KIF1A: variants seen among roughly 807,000 people sequenced by gnomAD.
The protein encoded by KIF1A is kinesin-like protein KIF1A.
In KIF1A, 46 loss-of-function variants were observed where a neutral mutation model predicts 227.3. The ratio of observed to expected loss-of-function variants is 0.20; its 90% CI spans 0.16 to 0.26. KIF1A has a LOEUF of 0.26. Among genes scored for constraint, KIF1A ranks in the 10% least tolerant of loss-of-function variants. KIF1A has a pLI of 1.00. For synonymous variants in KIF1A, 1,022 were observed against 1,012.8 expected, an observed-to-expected ratio of 1.01 and a Z score of -0.17; for missense variants, 1,683 against 2,485.9, an observed-to-expected ratio of 0.68 and a Z score of 6.87.
In KIF1A at chr2:240,789,428, G is replaced by A. The variant is rs2055372438; in HGVS notation, c.107-116C>T. The A allele has an allele frequency of 3.7e-6, 3 of 801,758 alleles. No homozygotes were observed. The highest frequency in any genetic ancestry group is 6.3e-6 in the Non-Finnish European group (3 of 474,424). The allele number at this position is 801,758 out of a possible 1,614,324, so 49.7% of individuals were successfully genotyped here. On this transcript the variant is annotated intron_variant, in intron 2 of 48. Coordinates refer to ENST00000498729, the MANE Select transcript of KIF1A (RefSeq NM_001244008.2). This position sits in a 1 kb window ranked among gnomAD's most constrained non-coding sequence, Gnocchi z 4.8. ...GAGGCCTCGGGCCCCAGACAAGCCA[G>A]GCCCCCAAATTGGAGGGGACCTAGG...
intron 1 of KIF1A, among the ~76,000 whole-genome samples, chr2:240,801,668 T>C (rs2056981583): frequency 6.6e-6 from 1 of 152,086 alleles, no homozygotes; most frequent in South Asian, 2.1e-4. Flanking sequence ...GGTGATTAGG[T>C]CATGAGGGTG....
chr2:240,806,786 G>T (rs1214154679), intron 1 of KIF1A, among the ~76,000 whole-genome samples: 1 of 152,130 alleles, frequency 6.6e-6, no homozygotes, highest in African/African-American at 2.4e-5. Flanking sequence ...AATTATTAAA[G>T]AAATTGATCC....
rs567187151 is a variant in KIF1A, at chr2:240,775,385, C to T, written c.958+466G>A. Among the ~76,000 whole-genome samples the T allele has an allele frequency of 4.6e-5, 7 of 152,318 alleles. No homozygotes were observed. Among genetic ancestry groups the T allele is most frequent in the South Asian group, 4.1e-4 (2 of 4,820 alleles). On this transcript the variant is annotated intron_variant, in intron 11 of 48. Coordinates refer to ENST00000498729, the MANE Select transcript of KIF1A (RefSeq NM_001244008.2). This position sits in a 1 kb window ranked among gnomAD's most constrained non-coding sequence, Gnocchi z 5.5. ...ATTCCGGGATGGACGGGATCAGCGT[C>T]GGGTGCATTTCAATTCCCACCTCCC... is the stretch of plus-strand genomic sequence containing the variant.
At chr2:240,731,544 C>T (rs1480615229) in intron 38 of KIF1A, among the ~76,000 whole-genome samples, 1 of 152,216 alleles carries the variant, frequency 6.6e-6, no homozygotes, top group African/African-American at 2.4e-5. Context: ...CAGCGTGGCC[C>T]TGGAGGTCGC....
At chr2:240,746,332 G>C (rs1376824737) in intron 29 of KIF1A, among the ~76,000 whole-genome samples, 155 bp from the exon 30 acceptor site, 1 of 152,194 alleles carries the variant, frequency 6.6e-6, no homozygotes, top group Admixed American at 6.5e-5. Context: ...TGCCTTGTAG[G>C]GGGGCATCCA....
At chr2:240,719,253 C>A in intron 46 of KIF1A, 55 bp from the exon 47 acceptor site, 1 of 1,546,240 alleles carries the variant, frequency 6.5e-7, no homozygotes, top group Non-Finnish European at 8.8e-7. Flanking sequence ...GCGACTGACT[C>A]GGGCACTCAC....
chr2:240,771,071 G>A lies in KIF1A; in HGVS notation c.1241C>T (p.Ser414Phe). 6.2e-7 allele frequency: 1 copy of A among 1,613,572 alleles called. No homozygotes were observed. Among genetic ancestry groups the A allele is most frequent in the Non-Finnish European group, 8.5e-7 (1 of 1,179,830 alleles). Residue 414 changes from serine to phenylalanine, a missense_variant, in exon 15 of 49, where the codon TCC (serine) becomes TTC (phenylalanine). Physicochemically the swap from Ser to Phe is radical, Grantham distance 155. This residue lies in a region of KIF1A where 110 missense variants were observed against 133.1 expected (regional missense o/e 0.83). Transcript: ENST00000498729. ...GCGGCTGGACAGGGCTGAGAGCGAG[G>A]ATGAGGGGCTCATACCCACCAGGGC... is the stretch of plus-strand genomic sequence containing the variant. ...TNALVGMSPS[S>F]SLSALSSRAA...
chr2:240,730,633 G>A (rs537266041), intron 38 of KIF1A, among the ~76,000 whole-genome samples: 13 of 152,294 alleles, frequency 8.5e-5, no homozygotes, highest in Non-Finnish European at 1.8e-4. Context: ...TCGCCCGAAG[G>A]GAACATGATC....
At position 240,765,757 on chromosome 2, in the gene KIF1A, G is replaced by A. The variant is rs2051093177; in HGVS notation, c.1721C>T (p.Thr574Ile). 1.9e-6 allele frequency: 3 copies of A among 1,613,548 alleles called. No homozygotes were observed. Among genetic ancestry groups the A allele is most frequent in the Non-Finnish European group, 2.5e-6 (3 of 1,179,838 alleles). ...TGTGACTTTCTTGCCATTGACGTAG[G>A]TGTCTGCCCCCTCACAGGGCTCCAA... Reference protein sequence around the residue: ...VTLEPCEGADTYVNGKKVTEP... With the variant: ...VTLEPCEGADIYVNGKKVTEP... The change falls in exon 20 of 49, where the codon ACC (threonine) becomes ATC (isoleucine). Residue 574 changes from threonine to isoleucine, a missense_variant. Coordinates refer to ENST00000498729, the MANE Select transcript of KIF1A (RefSeq NM_001244008.2).
rs181731478 is a variant in KIF1A, at chr2:240,740,440, C to T, written c.3750-76G>A. The T allele has an allele frequency of 2.1e-3, 2,699 of 1,283,130 alleles. 6 individuals are homozygous for T. Among genetic ancestry groups the T allele is most frequent in the South Asian group, 2.7e-3 (216 of 80,358 alleles). 79.5% of individuals were successfully genotyped at this position (1,283,130 alleles called of 1,614,324 possible). The stretch of plus-strand genomic sequence containing the variant: ...TCCCCGCAGCACAGGACACAGTGGA[C>T]GGGAGCAAAAACAGGGAAAAGTCAG... On this transcript the variant is annotated intron_variant, in intron 35 of 48. Transcript: ENST00000498729. This position sits in a 1 kb window ranked among gnomAD's most constrained non-coding sequence, Gnocchi z 6.1.
At position 240,725,655 on chromosome 2, in the gene KIF1A, G is replaced by A. The variant is rs1418206762; in HGVS notation, c.4123-251C>T. 6.2e-6 allele frequency: 3 copies of A among 483,338 alleles called. No individual in the cohort carries two copies. Among genetic ancestry groups the A allele is most frequent in the African/African-American group, 2.0e-5 (1 of 50,984 alleles). The allele number at this position is 483,338 out of a possible 1,614,324, so 29.9% of individuals were successfully genotyped here. On this transcript the variant is annotated intron_variant, in intron 39 of 48. Transcript: ENST00000498729. The surrounding 1 kb of genome is among the most constrained non-coding windows in gnomAD (Gnocchi z 5.8). ...CTGAGGGACTGGTCTCCATGTGTGG[G>A]GACCCCGAGGGTCCCAGACATAGGC...
In KIF1A at chr2:240,717,119, C is replaced by G. The variant is rs1170024330; in HGVS notation, c.*245G>C. 1 of 480,312 alleles carries G rather than the reference C, an allele frequency of 2.1e-6. No individual in the cohort carries two copies. Among genetic ancestry groups the G allele is most frequent in the Non-Finnish European group, 3.7e-6 (1 of 270,526 alleles). The allele number at this position is 480,312 out of a possible 1,614,324, so 29.8% of individuals were successfully genotyped here. ...CCCCGTAACCTGTGCCCTTGGCCCCCCCAGCCTCTCCCAACTTGTTCCACC... is the reference window on the plus strand; with the variant it reads ...CCCCGTAACCTGTGCCCTTGGCCCCGCCAGCCTCTCCCAACTTGTTCCACC... On this transcript the variant is annotated 3_prime_UTR_variant, in exon 49 of 49. Transcript: ENST00000498729.
rs918871481 is a variant in KIF1A at position 240,742,913 on chromosome 2, C to G, written c.3640+16G>C. The G allele has an allele frequency of 6.2e-7, 1 of 1,608,842 alleles. No individual in the cohort carries two copies. The highest frequency in any genetic ancestry group is 1.3e-5 in the African/African-American group (1 of 74,876). ...GGAGCTCACTGCCCTGAGACGGCTCCAGAGACCCTTCCTACCTGGCTTGGA... is the reference window on the plus strand; with the variant it reads ...GGAGCTCACTGCCCTGAGACGGCTCGAGAGACCCTTCCTACCTGGCTTGGA... On this transcript the variant is annotated intron_variant, in intron 34 of 48. Transcript: ENST00000498729.
chr2:240,763,611 C>T (rs1433242628), intron 20 of KIF1A, among the ~76,000 whole-genome samples: 1 of 152,204 alleles, frequency 6.6e-6, no homozygotes, highest in Non-Finnish European at 1.5e-5. Flanking sequence ...TCCAGTGTCC[C>T]CGCCCCTCCC....
At chr2:240,770,892 G>T in intron 15 of KIF1A, 79 bp downstream of exon 15, 1 of 1,533,506 alleles carries the variant, frequency 6.5e-7, no homozygotes. Flanking sequence ...GTACCCAGGA[G>T]GGCAGGGTGC....
rs184588900 is a variant in KIF1A, at chr2:240,738,642, T to C, written c.3901+1416A>G. 7.4e-4 allele frequency among the ~76,000 whole-genome samples: 113 copies of C among 152,310 alleles called. 1 individual carries two copies. The highest frequency in any genetic ancestry group is 2.5e-3 in the African/African-American group (104 of 41,566). On this transcript the variant is annotated intron_variant, in intron 37 of 48. Transcript: ENST00000498729. The stretch of plus-strand genomic sequence containing the variant: ...AAACCCCTTAGCCTGAAGGGGAGCA[T>C]TGGGGTTCATACCATATCTCCCCAG...
In KIF1A at chr2:240,722,564, C is replaced by G. The variant is rs746145422; in HGVS notation, c.4557G>C (p.Glu1519Asp). The change falls in exon 43 of 49, where the codon GAG (glutamate) becomes GAC (aspartate). Residue 1519 changes from glutamate to aspartate, a missense_variant. By Grantham distance (45) the Glu-to-Asp change is conservative. Coordinates refer to ENST00000498729, the MANE Select transcript of KIF1A (RefSeq NM_001244008.2). ...TGGAGGAGCCATGGGACTCAGAGTC[C>G]TCGCTGAAGGCCGGGGACAGTGCCT... The part of the protein sequence containing the change: ...VPEALSPAFS[E>D]DSESHGSSSA... 1.3e-6 allele frequency: 2 copies of G among 1,554,216 alleles called. No homozygotes were observed. Among genetic ancestry groups the G allele is most frequent in the East Asian group, 4.8e-5 (2 of 41,572 alleles).
chr2:240,769,680 G>A lies in KIF1A; in HGVS notation c.1368C>T (p.Leu456=). The A allele has an allele frequency of 6.2e-7, 1 of 1,613,588 alleles. No homozygotes were observed. Among genetic ancestry groups the A allele is most frequent in the Non-Finnish European group, 8.5e-7 (1 of 1,179,806 alleles). The part of the protein sequence containing the change: ...LKETEKIIAE[L]NETWEEKLRR... ...GCAGCTTCTCCTCCCAGGTCTCATT[G>A]AGCTCAGCTATGATCTTCTCTGTTT... Residue 456 remains leucine (L), a synonymous_variant, in exon 16 of 49, where the codon CTC becomes CTT. Coordinates refer to ENST00000498729, the MANE Select transcript of KIF1A (RefSeq NM_001244008.2).
chr2:240,807,112 G>GTA (rs2126205105), intron 1 of KIF1A, among the ~76,000 whole-genome samples: 1 of 138,978 alleles, frequency 7.2e-6, no homozygotes, highest in East Asian at 2.1e-4. Flanking sequence ...GTGTGTGTGT[G>GTA]TGTGTGTGTG....
Sources: allele counts gnomAD v4.1 joint callset (sites outside exome capture counted in the v4.1 genomes callset), GRCh38; gene constraint gnomAD v4.1.1; regional missense constraint gnomAD v4.1.1; non-coding constraint Gnocchi (gnomAD v3.1); transcripts MANE v1.5; gene names NCBI Gene and HGNC (gene_info 2026-07-23, HGNC 2026-07-21).